The following MCTP1 variants were observed in gnomAD, a reference collection of about 807,000 sequenced individuals.
The protein encoded by MCTP1 is multiple C2 and transmembrane domain containing 1.
In MCTP1, 69 loss-of-function variants were observed where a neutral mutation model predicts 120.6. That is an observed-to-expected ratio of 0.57 (90% CI 0.47 to 0.70). The LOEUF (loss-of-function observed/expected upper bound fraction) is 0.70. Among genes scored for constraint, MCTP1 ranks in the 30% least tolerant of loss-of-function variants. The probability of loss-of-function intolerance (pLI) is 0.00; values close to 1 mark genes in which losing one functional copy is unlikely to be tolerated. For synonymous variants in MCTP1, 529 were observed against 493.1 expected (o/e 1.07, Z -0.96); for missense variants, 1,203 against 1,248.8 (o/e 0.96, Z 0.55).
chr5:95,081,434 A>C, intron 1 of MCTP1: 1 of 1,611,862 alleles, frequency 6.2e-7, no homozygotes, highest in Non-Finnish European at 8.5e-7. Context: ...ACCTTATTAC[A>C]AATAAATGGC....
intron 1 of MCTP1, among the ~76,000 whole-genome samples, chr5:95,089,045 T>C (rs1375640309): frequency 6.6e-6 from 1 of 152,248 alleles, no homozygotes; most frequent in Non-Finnish European, 1.5e-5. Flanking sequence ...AAATCATTTA[T>C]GTCATATCAT....
intron 17 of MCTP1, among the ~76,000 whole-genome samples, chr5:94,835,554 T>C (rs1789541164): frequency 6.6e-6 from 1 of 152,196 alleles, no homozygotes; most frequent in South Asian, 2.1e-4. Flanking sequence ...AGAGATGCTA[T>C]GTACAGCAAC....
intron 1 of MCTP1, among the ~76,000 whole-genome samples, chr5:95,093,237 A>C (rs886563499): frequency 6.6e-6 from 1 of 152,296 alleles, no homozygotes; most frequent in African/African-American, 2.4e-5. Flanking sequence ...CAAAGGGCCA[A>C]ACACTGAGAG....
chr5:95,193,111 A>G (rs865865975), intron 1 of MCTP1, among the ~76,000 whole-genome samples: 1 of 152,174 alleles, frequency 6.6e-6, no homozygotes, highest in African/African-American at 2.4e-5. Flanking sequence ...TAAACTGAGT[A>G]ATTTTTAAAA....
At chr5:94,731,601 G>C (rs1763140353) in intron 19 of MCTP1, among the ~76,000 whole-genome samples, 1 of 152,134 alleles carries the variant, frequency 6.6e-6, no homozygotes, top group South Asian at 2.1e-4. Flanking sequence ...TTGTAAGCAG[G>C]AAAGTTACAA....
chr5:94,812,962 A>G (rs1783757148), intron 17 of MCTP1, among the ~76,000 whole-genome samples: 1 of 151,778 alleles, frequency 6.6e-6, no homozygotes, highest in Non-Finnish European at 1.5e-5. Context: ...GTGTATATAT[A>G]ATGTATATTT....
chr5:95,187,352 G>T (rs1452048794), intron 1 of MCTP1, among the ~76,000 whole-genome samples: 1 of 152,178 alleles, frequency 6.6e-6, no homozygotes, highest in East Asian at 1.9e-4. Flanking sequence ...GCCAGACCCA[G>T]AAAGACAAAC....
rs143926855 is a variant in MCTP1 at position 95,163,752 on chromosome 5, A to G, written c.720+120104T>C. Among the ~76,000 whole-genome samples, 574 of 152,308 alleles carry G rather than the reference A, an allele frequency of 3.8e-3. 4 individuals are homozygous for G. Among genetic ancestry groups the G allele is most frequent in the Non-Finnish European group, 6.6e-3 (449 of 68,018 alleles). On this transcript the variant is annotated intron_variant, in intron 1 of 22. Transcript: ENST00000515393. ...TAGTATCTCAGTTTGCTTCCATTAT[A>G]GGAATTCTCTGTAACACTAATCAGC...
intron 1 of MCTP1, among the ~76,000 whole-genome samples, chr5:95,216,719 T>C (rs931896297): frequency 1.3e-5 from 2 of 152,196 alleles, no homozygotes; most frequent in Non-Finnish European, 2.9e-5. Context: ...CACACTGTCA[T>C]ACGAAGTGAG....
chr5:94,875,938 T>C (rs1798777540), intron 12 of MCTP1, among the ~76,000 whole-genome samples: 1 of 152,120 alleles, frequency 6.6e-6, no homozygotes. Flanking sequence ...TAACATCAGG[T>C]CTTTCCACAC....
chr5:95,223,189 C>T (rs1050057509), intron 1 of MCTP1, among the ~76,000 whole-genome samples: 1 of 152,152 alleles, frequency 6.6e-6, no homozygotes, highest in Non-Finnish European at 1.5e-5. Context: ...TGGTGGCTCA[C>T]GTCTATAATC....
intron 15 of MCTP1, 25 bp downstream of exon 15, chr5:94,870,847 C>G: frequency 6.6e-7 from 1 of 1,516,504 alleles, no homozygotes; most frequent in Non-Finnish European, 9.2e-7. Context: ...TTTAGCAGTA[C>G]AAAAAAGCCA....
chr5:95,056,851 T>TCC (rs1747514102), intron 1 of MCTP1, among the ~76,000 whole-genome samples: 1 of 151,984 alleles, frequency 6.6e-6, no homozygotes, highest in Non-Finnish European at 1.5e-5. Flanking sequence ...AAGAATGAAC[T>TCC]CCTTCATCCC....
intron 7 of MCTP1, among the ~76,000 whole-genome samples, chr5:94,923,603 A>C (rs1393178812): frequency 6.6e-6 from 1 of 152,196 alleles, no homozygotes; most frequent in East Asian, 1.9e-4. Flanking sequence ...GAAATGGAGC[A>C]GAAAATTCTA....
At chr5:95,048,466 G>A (rs1745105288) in intron 1 of MCTP1, among the ~76,000 whole-genome samples, 1 of 152,124 alleles carries the variant, frequency 6.6e-6, no homozygotes, top group African/African-American at 2.4e-5. Flanking sequence ...ACAGAACCTA[G>A]TTAAAATGTT....
intron 19 of MCTP1, among the ~76,000 whole-genome samples, chr5:94,761,234 C>CT (rs1771267257): frequency 6.6e-6 from 1 of 152,152 alleles, no homozygotes; most frequent in African/African-American, 2.4e-5. Flanking sequence ...ATTTGGATCT[C>CT]TTTTATCAAA....
intron 1 of MCTP1, among the ~76,000 whole-genome samples, chr5:95,017,999 T>C (rs1046616060): frequency 3.9e-5 from 6 of 152,054 alleles, no homozygotes; most frequent in African/African-American, 1.4e-4. Flanking sequence ...TAGAAATAAA[T>C]TCACCTAGCA....
intron 2 of MCTP1, among the ~76,000 whole-genome samples, chr5:95,012,439 C>T (rs1304624159): frequency 6.6e-6 from 1 of 152,038 alleles, no homozygotes; most frequent in Non-Finnish European, 1.5e-5. Context: ...TTTCATTGCA[C>T]TTTGTTTGAT....
chr5:94,979,841 T>G (rs1829011636), intron 2 of MCTP1, among the ~76,000 whole-genome samples: 1 of 152,144 alleles, frequency 6.6e-6, no homozygotes, highest in East Asian at 1.9e-4. Flanking sequence ...TTAGGTTAAA[T>G]CATTGATATA....
Sources: gnomAD v4.1 joint callset for allele counts (sites outside exome capture counted in the v4.1 genomes callset) on GRCh38, gnomAD v4.1.1 for gene constraint, MANE v1.5 for transcripts, NCBI Gene and HGNC (gene_info 2026-07-23, HGNC 2026-07-21) for gene names.